Variants in ZNF518A observed in about 807,000 individuals in gnomAD.
ZNF518A encodes zinc finger protein 518.
A neutral mutation model predicts 102.7 loss-of-function variants in ZNF518A; 47 were observed. That is an observed-to-expected ratio of 0.46 (90% CI 0.36 to 0.58). The LOEUF (loss-of-function observed/expected upper bound fraction) is 0.58, where lower values mean the gene tolerates loss of function less well. ZNF518A is among the 20% of genes least tolerant of loss of function. The probability of loss-of-function intolerance (pLI) is 0.00; values close to 1 mark genes in which losing one functional copy is unlikely to be tolerated. For missense variants in ZNF518A, 1,793 were observed against 1,699.8 expected (o/e 1.05, Z -0.96); for synonymous variants, 652 against 594.6 (o/e 1.10, Z -1.40).
intron 1 of ZNF518A, among the ~76,000 whole-genome samples, chr10:96,176,628 T>C (rs782318982): frequency 3.6e-4 from 55 of 152,312 alleles, no homozygotes; most frequent in African/African-American, 1.3e-3. Flanking sequence ...GTGGGCACAG[T>C]GGCTCATGCC....
intron 3 of ZNF518A, among the ~76,000 whole-genome samples, chr10:96,153,920 T>C (rs2082571487): frequency 6.6e-6 from 1 of 152,194 alleles, no homozygotes; most frequent in South Asian, 2.1e-4. Context: ...AGTGAGGCAT[T>C]ATTAGAGAAG....
At chr10:96,191,233 C>CTGTT (rs1386672380) in intron 1 of ZNF518A, among the ~76,000 whole-genome samples, 1 of 106,610 alleles carries the variant, frequency 9.4e-6, no homozygotes, top group African/African-American at 3.8e-5. Flanking sequence ...TCCATTAAAC[C>CTGTT]TCTTTTTTTT....
chr10:96,198,546 A>G (rs587623792), intron 1 of ZNF518A, among the ~76,000 whole-genome samples: 1 of 152,394 alleles, frequency 6.6e-6, no homozygotes, highest in South Asian at 2.1e-4. Flanking sequence ...TAGAAGGGCA[A>G]GAAAGTCACA....
chr10:96,199,615 T>A, intron 1 of ZNF518A: 1 of 435,990 alleles, frequency 2.3e-6, no homozygotes, highest in Admixed American at 2.6e-5. Context: ...CTTGAGTAAG[T>A]AAAGGAAAAA....
rs138899330 is a variant in ZNF518A at position 96,193,497 on chromosome 10, T to C, written n.36-10077T>C. On this transcript the variant is annotated intron_variant and non_coding_transcript_variant, in intron 1 of 2. Coordinates refer to the ZNF518A transcript ENST00000442635. ...GTTGTGGTGTTCGGGGATTGAAGTG[T>C]GTGCAGTAGGGAGTTGAGCTGAGTT... 4.1e-3 allele frequency among the ~76,000 whole-genome samples: 622 copies of C among 152,328 alleles called. 4 individuals are homozygous for C. The highest frequency in any genetic ancestry group is 4.8e-3 in the Non-Finnish European group (325 of 68,024).
Position 96,159,270 on chromosome 10 carries a change from A to G in ZNF518A, c.2948A>G (p.Asn983Ser). The change falls in exon 6 of 6, where the codon AAT becomes AGT. Residue 983 changes from asparagine (N) to serine (S), a missense_variant. Physicochemically the swap from Asn to Ser is conservative, Grantham distance 46. Around this residue, in one of 3 missense-constraint regions of ZNF518A, gnomAD observed 1,741 missense variants for 1,622.6 expected, o/e 1.07. Coordinates refer to ENST00000316045, the MANE Select transcript of ZNF518A (RefSeq NM_001330736.2). ...NKKPGMVLTL[N>S]NGKLEGVSAV... Reference sequence around the variant, plus strand: ...AAACCTGGGATGGTTTTAACACTTAATAATGGGAAACTTGAAGGTGTTTCC... The same window carrying G: ...AAACCTGGGATGGTTTTAACACTTAGTAATGGGAAACTTGAAGGTGTTTCC... 1 of 1,613,512 alleles carries G rather than the reference A, an allele frequency of 6.2e-7. No individual in the cohort carries two copies. The highest frequency in any genetic ancestry group is 8.5e-7 in the Non-Finnish European group (1 of 1,179,692).
chr10:96,146,616 A>T (rs2082184167), intron 3 of ZNF518A, among the ~76,000 whole-genome samples: 1 of 152,196 alleles, frequency 6.6e-6, no homozygotes, highest in African/African-American at 2.4e-5. Context: ...TTTTATTATG[A>T]AATGTGTTTA....
Position 96,158,753 on chromosome 10 carries a change from C to T in ZNF518A, c.2431C>T (p.Leu811Phe). Reference sequence around the variant, plus strand: ...TAACACTCCAAATAAAGGCTTGCCACTTCATTGTGACCAGTCATTTCAAAA... The same window carrying T: ...TAACACTCCAAATAAAGGCTTGCCATTTCATTGTGACCAGTCATTTCAAAA... Reference protein sequence around the residue: ...SSNTPNKGLPLHCDQSFQKHE... With the variant: ...SSNTPNKGLPFHCDQSFQKHE... The change falls in exon 6 of 6, where the codon CTT (leucine) becomes TTT (phenylalanine). Residue 811 changes from leucine (L) to phenylalanine (F), a missense_variant. This residue lies in a region of ZNF518A where 1,741 missense variants were observed against 1,622.6 expected (regional missense o/e 1.07). Coordinates refer to ENST00000316045, the MANE Select transcript of ZNF518A (RefSeq NM_001330736.2). 7 of 1,613,322 alleles carry T rather than the reference C, an allele frequency of 4.3e-6. No homozygotes were observed. Among genetic ancestry groups the T allele is most frequent in the Non-Finnish European group, 5.9e-6 (7 of 1,179,524 alleles).
chr10:96,198,932 C>T (rs1260851480), intron 1 of ZNF518A, among the ~76,000 whole-genome samples: 1 of 152,208 alleles, frequency 6.6e-6, no homozygotes, highest in Non-Finnish European at 1.5e-5. Context: ...CTCCTGACCT[C>T]AAGTGATCCA....
intron 3 of ZNF518A, among the ~76,000 whole-genome samples, chr10:96,152,466 T>C (rs1328862974): frequency 2.6e-5 from 4 of 152,386 alleles, no homozygotes; most frequent in Middle Eastern, 3.4e-3. Flanking sequence ...TTTTTGTCCA[T>C]ACGTGGCAAC....
intron 1 of ZNF518A, chr10:96,189,885 C>T (rs1554893017): frequency 6.7e-6 from 7 of 1,052,062 alleles, no homozygotes. Context: ...AAATGCTGTC[C>T]ACTAATATGC....
chr10:96,176,001 T>G (rs1452866966), intron 1 of ZNF518A, among the ~76,000 whole-genome samples: 2 of 151,854 alleles, frequency 1.3e-5, no homozygotes, highest in African/African-American at 4.8e-5. Context: ...CAGGCTGGAG[T>G]GCAGTGCAAT....
At chr10:96,191,806 T>G in intron 1 of ZNF518A, 1 of 855,602 alleles carries the variant, frequency 1.2e-6, no homozygotes, top group Non-Finnish European at 1.9e-6. Flanking sequence ...CAAGTCCACA[T>G]GAGCTTCTTA....
downstream of ZNF518A, among the ~76,000 whole-genome samples, chr10:96,167,949 G>A (rs2083151933): frequency 6.6e-6 from 1 of 152,174 alleles, no homozygotes; most frequent in Non-Finnish European, 1.5e-5. Flanking sequence ...ATCTGTTTCA[G>A]ATTAATCTCA....
intron 4 of ZNF518A, 175 bp downstream of exon 4, chr10:96,155,551 T>C (rs2082657715): frequency 6.6e-6 from 1 of 152,176 alleles, no homozygotes; most frequent in Non-Finnish European, 1.5e-5. Flanking sequence ...AGGGAAATGG[T>C]GCTGCTGTTC....
At chr10:96,165,644 G>C (rs2083132838), downstream of ZNF518A, among the ~76,000 whole-genome samples, 1 of 152,090 alleles carries the variant, frequency 6.6e-6, no homozygotes. Context: ...CTGCTTTACA[G>C]GGAGGATTGT....
intron 3 of ZNF518A, among the ~76,000 whole-genome samples, chr10:96,154,337 ATCTTT>A (rs2082592726): frequency 6.6e-6 from 1 of 151,828 alleles, no homozygotes; most frequent in African/African-American, 2.4e-5. Flanking sequence ...CCTGTCATCA[ATCTTT>A]TCTTTCTTTC....
intron 1 of ZNF518A, among the ~76,000 whole-genome samples, chr10:96,181,699 A>G (rs1351909638): frequency 1.3e-5 from 2 of 151,482 alleles, no homozygotes; most frequent in Non-Finnish European, 3.0e-5. Context: ...CCATTGGTCT[A>G]TCTGTTTTGG....
Position 96,156,620 on chromosome 10 carries a change from C to T in ZNF518A, c.298C>T (p.His100Tyr). The change falls in exon 6 of 6, where the codon CAT (histidine) becomes TAT (tyrosine). Residue 100 changes from histidine to tyrosine, a missense_variant. His to Tyr is a moderately conservative substitution (Grantham distance 83). Around this residue, in one of 3 missense-constraint regions of ZNF518A, gnomAD observed 1,741 missense variants for 1,622.6 expected, o/e 1.07. Transcript: ENST00000316045. Reference sequence around the variant, plus strand: ...CTGTGTAGAGGAGTGTACATTGCTTCATAAGTCTGAGAGAGCTGAAGAAGA... The same window carrying T: ...CTGTGTAGAGGAGTGTACATTGCTTTATAAGTCTGAGAGAGCTGAAGAAGA... ...VSCVEECTLLHKSERAEEEGV... is the reference protein window; with the variant it reads ...VSCVEECTLLYKSERAEEEGV... 1.2e-6 allele frequency: 2 copies of T among 1,613,694 alleles called. No homozygotes were observed. The highest frequency in any genetic ancestry group is 1.7e-6 in the Non-Finnish European group (2 of 1,179,770).
Sources: allele counts gnomAD v4.1 joint callset (sites outside exome capture counted in the v4.1 genomes callset), GRCh38; gene constraint gnomAD v4.1.1; regional missense constraint gnomAD v4.1.1; transcripts MANE v1.5; gene names NCBI Gene and HGNC (gene_info 2026-07-23, HGNC 2026-07-21).